Variants in GABBR2 observed in about 807,000 individuals in gnomAD.
The protein encoded by GABBR2 is gamma-aminobutyric acid type B receptor subunit 2.
A neutral mutation model predicts 105.6 loss-of-function variants in GABBR2; 23 were observed. The observed-to-expected ratio is 0.22, with a 90% CI of 0.16 to 0.31. The LOEUF is 0.31. Among genes scored for constraint, GABBR2 ranks in the 10% least tolerant of loss-of-function variants. The pLI is 1.00. For synonymous variants in GABBR2, 478 were observed against 499.7 expected, an observed-to-expected ratio of 0.96 and a Z score of 0.58; for missense variants, 734 against 1,245.5, an observed-to-expected ratio of 0.59 and a Z score of 6.18.
At chr9:98,578,532 G>T (rs1828952853) in intron 1 of GABBR2, among the ~76,000 whole-genome samples, 2 of 152,258 alleles carry the variant, frequency 1.3e-5, no homozygotes, top group South Asian at 4.1e-4. Flanking sequence ...TGGTGCAGCT[G>T]CTGTGGAAAC....
intron 11 of GABBR2, among the ~76,000 whole-genome samples, chr9:98,380,757 T>C (rs2131479054): frequency 6.6e-6 from 1 of 152,082 alleles, no homozygotes; most frequent in South Asian, 2.1e-4. Flanking sequence ...TCCCTAGGAG[T>C]AGCACTGTGT....
intron 3 of GABBR2, among the ~76,000 whole-genome samples, chr9:98,519,133 G>C (rs752075966): frequency 2.0e-5 from 3 of 152,212 alleles, no homozygotes; most frequent in Non-Finnish European, 4.4e-5. Flanking sequence ...CTGTCCATCT[G>C]CCCCTGGGCT....
In GABBR2 at chr9:98,480,964, C is replaced by G; in HGVS notation, c.766G>C (p.Asp256His). 3 of 1,606,864 alleles carry G rather than the reference C, an allele frequency of 1.9e-6. No homozygotes were observed. The highest frequency in any genetic ancestry group is 2.6e-6 in the Non-Finnish European group (3 of 1,173,396). ...NDVRIILGQF[D>H]QNMAAKVFCC... ...AACACTTTTGCTGCCATATTCTGGTCAAACTGGCCAAGGATGATCCGCACA... is the reference window on the plus strand; with the variant it reads ...AACACTTTTGCTGCCATATTCTGGTGAAACTGGCCAAGGATGATCCGCACA... The change falls in exon 5 of 19, where the codon GAC (aspartate) becomes CAC (histidine). Residue 256 changes from aspartate (D) to histidine (H), a missense_variant. Physicochemically the swap from Asp to His is moderately conservative, Grantham distance 81 (BLOSUM62 -1). Around this residue, in one of 7 missense-constraint regions of GABBR2, gnomAD observed 370 missense variants for 648.9 expected, o/e 0.57. Coordinates refer to ENST00000259455, the MANE Select transcript of GABBR2 (RefSeq NM_005458.8).
chr9:98,308,911 G>A (rs1018816541), intron 14 of GABBR2, among the ~76,000 whole-genome samples: 1 of 152,230 alleles, frequency 6.6e-6, no homozygotes, highest in Non-Finnish European at 1.5e-5. Context: ...TGAAGAGGGC[G>A]AGCGCCCCAT....
chr9:98,309,018 CCAAA>C (rs1830595719), intron 14 of GABBR2, among the ~76,000 whole-genome samples: 3 of 152,042 alleles, frequency 2.0e-5, no homozygotes, highest in Non-Finnish European at 2.9e-5. Flanking sequence ...TGGGGTGGAC[CCAAA>C]GGGCTGTGTG....
At chr9:98,367,440 G>A (rs755670414) in intron 12 of GABBR2, among the ~76,000 whole-genome samples, 114 of 152,216 alleles carry the variant, frequency 7.5e-4, no homozygotes, top group Middle Eastern at 3.4e-3. Context: ...TCATAGAAAG[G>A]AGAATCGTGG....
At chr9:98,464,656 T>C (rs9408965) in intron 6 of GABBR2, among the ~76,000 whole-genome samples, 61,326 of 150,326 alleles carry the variant, frequency 0.41, 13,745 homozygotes, top group Non-Finnish European at 0.51. Context: ...ATGATGACGA[T>C]GGCAGTTTTG....
rs12344879 is a variant in GABBR2 at position 98,388,677 on chromosome 9, A to G, written c.1529+177T>C. Among the ~76,000 whole-genome samples the G allele has an allele frequency of 0.066, 9,965 of 150,764 alleles. 429 individuals carry two copies. The highest frequency in any genetic ancestry group is 0.092 in the Non-Finnish European group (6,233 of 67,858). ...TGTGTGTGTGCGTGCACGCACACAC[A>G]CGTACTCACATGCATGTAACACCTA... On this transcript the variant is annotated intron_variant, in intron 10 of 18. Coordinates refer to ENST00000259455, the MANE Select transcript of GABBR2 (RefSeq NM_005458.8). This position sits in a 1 kb window ranked among gnomAD's most constrained non-coding sequence, Gnocchi z 4.4.
At chr9:98,449,779 G>C (rs1005895746) in intron 7 of GABBR2, among the ~76,000 whole-genome samples, 1 of 152,178 alleles carries the variant, frequency 6.6e-6, no homozygotes. Context: ...TGACAGAAGA[G>C]GGGGATGGAG....
intron 1 of GABBR2, among the ~76,000 whole-genome samples, chr9:98,579,569 C>T (rs73494486): frequency 0.22 from 33,113 of 152,114 alleles, 3,711 homozygotes; most frequent in African/African-American, 0.28. Flanking sequence ...TTCCTGCTTT[C>T]CATGCACTTA....
At chr9:98,627,439 A>G (rs1318146952) in intron 1 of GABBR2, among the ~76,000 whole-genome samples, 1 of 152,248 alleles carries the variant, frequency 6.6e-6, no homozygotes, top group South Asian at 2.1e-4. Context: ...GCTATTCCCC[A>G]GCCTCTTGTT....
At chr9:98,705,178 C>T (rs1212626428) in intron 1 of GABBR2, among the ~76,000 whole-genome samples, 1 of 152,180 alleles carries the variant, frequency 6.6e-6, no homozygotes, top group Non-Finnish European at 1.5e-5. Context: ...TTGTTCAAAT[C>T]CTCATTGGAA....
chr9:98,374,004 T>C (rs979267809), intron 11 of GABBR2, among the ~76,000 whole-genome samples: 6 of 152,136 alleles, frequency 3.9e-5, no homozygotes, highest in Non-Finnish European at 5.9e-5. Flanking sequence ...ACTGCAGGCA[T>C]GCACCACCAT....
intron 4 of GABBR2, among the ~76,000 whole-genome samples, chr9:98,485,275 C>T (rs527488557): frequency 6.6e-6 from 1 of 152,164 alleles, no homozygotes; most frequent in Non-Finnish European, 1.5e-5. Flanking sequence ...TGGAAGGAAA[C>T]AGCGGTGGGA....
chr9:98,556,148 C>T (rs758320545), intron 2 of GABBR2, among the ~76,000 whole-genome samples: 27 of 152,178 alleles, frequency 1.8e-4, no homozygotes, highest in Non-Finnish European at 3.1e-4. Context: ...ACAGGGTTTG[C>T]GCCCCATCCC....
chr9:98,327,591 G>A (rs569958712), intron 13 of GABBR2, among the ~76,000 whole-genome samples: 4 of 151,910 alleles, frequency 2.6e-5, no homozygotes, highest in Non-Finnish European at 5.9e-5. Context: ...ATATAAGGCC[G>A]GGCGCAGTGG....
intron 13 of GABBR2, among the ~76,000 whole-genome samples, chr9:98,322,449 C>T (rs985166010): frequency 1.5e-4 from 23 of 152,128 alleles, no homozygotes; most frequent in Admixed American, 1.5e-3. Flanking sequence ...GACCTGGTCT[C>T]CTGTCTCTTC....
At chr9:98,706,100 C>CAAAAAAAAAAAAAAA (rs1261779483) in intron 1 of GABBR2, among the ~76,000 whole-genome samples, 3 of 31,266 alleles carry the variant, frequency 9.6e-5, no homozygotes, top group African/African-American at 2.8e-4. Flanking sequence ...CAAAACAAAA[C>CAAAAAAAAAAAAAAA]AAAAAAAACA....
Position 98,646,685 on chromosome 9 carries a change from T to C in GABBR2, c.321+61732A>G, listed in dbSNP as rs1253752433. Among the ~76,000 whole-genome samples the C allele has an allele frequency of 4.6e-5, 7 of 152,264 alleles. 1 individual carries two copies. In the South Asian group the frequency reaches 8.3e-4, roughly 18 times the overall value. The stretch of plus-strand genomic sequence containing the variant: ...GTTCAGTTGGTCTTGGGTGACATTG[T>C]TCAGAGGCCCTTCCTCATATGTTAC... On this transcript the variant is annotated intron_variant, in intron 1 of 18. Coordinates refer to ENST00000259455, the MANE Select transcript of GABBR2 (RefSeq NM_005458.8).
Sources: gnomAD v4.1 joint callset for allele counts (sites outside exome capture counted in the v4.1 genomes callset) on GRCh38, gnomAD v4.1.1 for gene constraint, gnomAD v4.1.1 regional missense constraint, Gnocchi (gnomAD v3.1) non-coding constraint, MANE v1.5 for transcripts, NCBI Gene and HGNC (gene_info 2026-07-23, HGNC 2026-07-21) for gene names.